The following MARCHF3 variants were observed in gnomAD, a reference collection of about 807,000 sequenced individuals.
MARCHF3 encodes the protein E3 ubiquitin-protein ligase MARCHF3.
MARCHF3 carries 13 observed loss-of-function variants against 24.2 expected under a neutral mutation model. That is an observed-to-expected ratio of 0.54 (90% CI 0.35 to 0.85). The LOEUF is 0.85. MARCHF3 is among the 40% of genes least tolerant of loss of function. The probability of loss-of-function intolerance (pLI) is 0.01; values close to 1 mark genes in which losing one functional copy is unlikely to be tolerated. For synonymous variants in MARCHF3, 144 were observed against 137.3 expected (o/e 1.05, Z -0.34); for missense variants, 276 against 325.0 (o/e 0.85, Z 1.16).
chr5:126,984,762 A>G (rs528470238), intron 1 of MARCHF3, among the ~76,000 whole-genome samples: 160 of 152,362 alleles, frequency 1.1e-3, no homozygotes, highest in Admixed American at 3.2e-3. Context: ...ACTCCTATGC[A>G]CTGAAGAAAG....
Position 126,899,178 on chromosome 5 carries a change from A to G in MARCHF3, c.393+15752T>C, listed in dbSNP as rs151059815. On this transcript the variant is annotated intron_variant, in intron 3 of 4. Coordinates refer to ENST00000308660, the MANE Select transcript of MARCHF3 (RefSeq NM_178450.5). ...CGGGCAGTGGTGAGGCACGCCACAG[A>G]AACATACATTCCATGAAGAATGAGG... 3.7e-3 allele frequency: 3,636 copies of G among 985,304 alleles called. 16 individuals are homozygous for G. Among genetic ancestry groups the G allele is most frequent in the South Asian group, 9.5e-3 (203 of 21,288 alleles). 61.0% of individuals were successfully genotyped at this position (985,304 alleles called of 1,614,324 possible). A position where few individuals can be genotyped will look rare whatever the true frequency, so the allele number is the denominator to read the frequency against.
intron 1 of MARCHF3, among the ~76,000 whole-genome samples, chr5:126,982,374 A>T (rs1580705140): frequency 6.6e-6 from 1 of 152,140 alleles, no homozygotes; most frequent in South Asian, 2.1e-4. Context: ...GATGGCAGGG[A>T]TGGGGAAGGA....
intron 1 of MARCHF3, among the ~76,000 whole-genome samples, chr5:126,929,028 T>C (rs1053463922): frequency 6.6e-6 from 1 of 152,194 alleles, no homozygotes; most frequent in Non-Finnish European, 1.5e-5. Flanking sequence ...AATCTTTTGG[T>C]TGGTTTGTTT....
chr5:127,017,598 A>C (rs1170232194), intron 1 of MARCHF3, among the ~76,000 whole-genome samples: 2 of 152,206 alleles, frequency 1.3e-5, no homozygotes, highest in Non-Finnish European at 2.9e-5. Context: ...CCTATTTTAC[A>C]ATAAAGTGTT....
chr5:127,011,121 C>A (rs1251190356), intron 1 of MARCHF3, among the ~76,000 whole-genome samples: 1 of 152,136 alleles, frequency 6.6e-6, no homozygotes, highest in African/African-American at 2.4e-5. Flanking sequence ...AAAAGTGATA[C>A]CCTGCATGAA....
intron 1 of MARCHF3, among the ~76,000 whole-genome samples, chr5:126,972,896 G>A: frequency 6.6e-6 from 1 of 152,164 alleles, no homozygotes. Context: ...ATTTGATTTT[G>A]GCATAATTTA....
intron 3 of MARCHF3, among the ~76,000 whole-genome samples, chr5:126,892,808 T>C (rs1420371599): frequency 6.6e-6 from 1 of 150,788 alleles, no homozygotes; most frequent in Non-Finnish European, 1.5e-5. Flanking sequence ...CCTCATAAAA[T>C]GAGTTAGGGA....
intron 1 of MARCHF3, among the ~76,000 whole-genome samples, chr5:127,025,308 T>C (rs1186105369): frequency 6.8e-4 from 91 of 133,760 alleles, no homozygotes; most frequent in Non-Finnish European, 1.1e-3. Context: ...AAAAAGTTAT[T>C]AAAAAAAAAA....
chr5:126,988,233 G>A (rs1393711984), intron 1 of MARCHF3, among the ~76,000 whole-genome samples: 2 of 152,054 alleles, frequency 1.3e-5, no homozygotes, highest in African/African-American at 4.8e-5. Context: ...GAAACTTCCA[G>A]GAGACAAGCC....
intron 3 of MARCHF3, among the ~76,000 whole-genome samples, chr5:126,895,258 T>G (rs1003905959): frequency 2.6e-5 from 4 of 152,142 alleles, no homozygotes; most frequent in African/African-American, 9.7e-5. Flanking sequence ...GGTTTGAATG[T>G]CCTCCTGTAG....
intron 1 of MARCHF3, among the ~76,000 whole-genome samples, chr5:126,989,054 A>G (rs1751656478): frequency 6.6e-6 from 1 of 152,174 alleles, no homozygotes; most frequent in Non-Finnish European, 1.5e-5. Flanking sequence ...CTGAGGTGGG[A>G]GGATCACTTG....
At chr5:126,872,134 C>T (rs1752996668) in intron 4 of MARCHF3, among the ~76,000 whole-genome samples, 1 of 132,706 alleles carries the variant, frequency 7.5e-6, no homozygotes, top group African/African-American at 2.9e-5. Flanking sequence ...GGCGGAAGTG[C>T]AATGGCGCGA....
In MARCHF3 at chr5:126,976,508, A is replaced by C. The variant is rs532069890; in HGVS notation, c.-57+53842T>G. 5.9e-5 allele frequency among the ~76,000 whole-genome samples: 9 copies of C among 151,648 alleles called. No homozygotes were observed. The East Asian group carries it at 1.8e-3, about 30-fold the overall frequency. On this transcript the variant is annotated intron_variant, in intron 1 of 4. Transcript: ENST00000308660. ...TATCTGACCCTCTACTGGGGCACTCAGCCCCTGTGTGGTTTCCAAAAGCTG... is the reference window on the plus strand; with the variant it reads ...TATCTGACCCTCTACTGGGGCACTCCGCCCCTGTGTGGTTTCCAAAAGCTG...
chr5:127,013,588 G>A (rs975124928), intron 1 of MARCHF3, among the ~76,000 whole-genome samples: 1 of 152,084 alleles, frequency 6.6e-6, no homozygotes, highest in Admixed American at 6.6e-5. Flanking sequence ...TCCGTAAGAG[G>A]GAAGTACGAT....
At chr5:126,909,278 TC>T (rs1196744203) in intron 3 of MARCHF3, among the ~76,000 whole-genome samples, 3 of 152,246 alleles carry the variant, frequency 2.0e-5, no homozygotes, top group Non-Finnish European at 4.4e-5. Context: ...TTTTTGTTTG[TC>T]TGTGCCCTGC....
intron 4 of MARCHF3, among the ~76,000 whole-genome samples, chr5:126,873,130 A>C (rs528360643): frequency 6.6e-6 from 1 of 152,322 alleles, no homozygotes; most frequent in Admixed American, 6.5e-5. Context: ...TTGGAGAAGT[A>C]GTTATGAGTG....
chr5:126,925,115 C>T (rs542450446), intron 1 of MARCHF3, among the ~76,000 whole-genome samples: 12 of 152,202 alleles, frequency 7.9e-5, no homozygotes, highest in Non-Finnish European at 1.5e-4. Context: ...GCTTACAGGG[C>T]ACAGTTAAGC....
At chr5:126,875,231 C>T (rs1301595424) in intron 4 of MARCHF3, among the ~76,000 whole-genome samples, 1 of 152,172 alleles carries the variant, frequency 6.6e-6, no homozygotes, top group Non-Finnish European at 1.5e-5. Context: ...TGGAGCTGAC[C>T]AAGGCCCTGG....
chr5:126,992,766 ATTTTTTTT>A (rs757479478), intron 1 of MARCHF3, among the ~76,000 whole-genome samples: 2 of 95,522 alleles, frequency 2.1e-5, no homozygotes, highest in African/African-American at 8.3e-5. Context: ...CATCCACGTG[ATTTTTTTT>A]TTTTTTTTTT....
Sources: gnomAD v4.1 joint callset for allele counts (sites outside exome capture counted in the v4.1 genomes callset) on GRCh38, gnomAD v4.1.1 for gene constraint, MANE v1.5 for transcripts, NCBI Gene and HGNC (gene_info 2026-07-23, HGNC 2026-07-21) for gene names.